The following ATAD1 variants were observed in gnomAD, a reference collection of about 807,000 sequenced individuals.
The protein encoded by ATAD1 is ATPase family AAA domain containing 1, also known as outer mitochondrial transmembrane helix translocase.
Under a neutral mutation model 42.7 loss-of-function variants are expected in ATAD1, and 18 were observed. The ratio of observed to expected loss-of-function variants is 0.42; its 90% confidence interval spans 0.29 to 0.63. The LOEUF is 0.63. Among genes scored for constraint, ATAD1 ranks in the 20% least tolerant of loss-of-function variants. ATAD1 has a pLI of 0.19. For missense variants in ATAD1, 294 were observed against 440.4 expected, an observed-to-expected ratio of 0.67 and a Z score of 2.98; for synonymous variants, 132 against 143.1, an observed-to-expected ratio of 0.92 and a Z score of 0.55.
intron 6 of ATAD1, 29 bp downstream of exon 6, chr10:87,776,292 C>G (rs751850740): frequency 1.3e-6 from 2 of 1,552,482 alleles, no homozygotes; most frequent in Admixed American, 3.6e-5. Context: ...AAAACCAACA[C>G]AAGTTGAGGG....
chr10:87,791,738 G>T (rs1022182426), intron 3 of ATAD1, among the ~76,000 whole-genome samples: 12 of 152,086 alleles, frequency 7.9e-5, no homozygotes, highest in African/African-American at 2.7e-4. Context: ...TCTATTTATA[G>T]AATTTATAAA....
rs3033524 is a variant in ATAD1 at position 87,833,727 on chromosome 10, C to CTTTT, written c.-14+7456_-14+7459dup. ...CTTTCTCTCTCTCTTTCTTTCTTTC[C>CTTTT]TTTTTTTTTTTTTTTTTTTTGATAG... On this transcript the variant is annotated intron_variant, in intron 1 of 4. Coordinates refer to the ATAD1 transcript ENST00000495903. 6.6e-4 allele frequency among the ~76,000 whole-genome samples: 67 copies of CTTTT among 100,756 alleles called. 2 individuals carry two copies. Among genetic ancestry groups the CTTTT allele is most frequent in the African/African-American group, 1.2e-3 (31 of 25,976 alleles). The allele number at this position is 100,756 out of a possible 152,430, so 66.1% of individuals were successfully genotyped here. A position where few individuals can be genotyped will look rare whatever the true frequency, so the allele number is the denominator to read the frequency against.
chr10:87,818,293 G>A (rs1001903106), upstream of ATAD1: 2 of 981,942 alleles, frequency 2.0e-6, no homozygotes, highest in Non-Finnish European at 2.4e-6. Flanking sequence ...TGCGCGACCC[G>A]CGGTCGCCGG....
At chr10:87,816,532 T>A (rs1412691476) in intron 1 of ATAD1, among the ~76,000 whole-genome samples, 1 of 152,100 alleles carries the variant, frequency 6.6e-6, no homozygotes, top group Non-Finnish European at 1.5e-5. Context: ...ATATCACCAC[T>A]TCATTCAAAG....
chr10:87,828,036 T>C (rs116197343), intron 1 of ATAD1, among the ~76,000 whole-genome samples: 2,152 of 152,168 alleles, frequency 0.014, 63 homozygotes, highest in African/African-American at 0.048. Flanking sequence ...TAGCTCACTG[T>C]GGCCTCAAAT....
chr10:87,772,601 C>T (rs1855101508), intron 6 of ATAD1, among the ~76,000 whole-genome samples: 1 of 151,774 alleles, frequency 6.6e-6, no homozygotes, highest in Non-Finnish European at 1.5e-5. Flanking sequence ...AGGGAAATGG[C>T]CAGCATTTGA....
At chr10:87,811,658 A>T (rs1267361794) in intron 2 of ATAD1, among the ~76,000 whole-genome samples, 1 of 152,212 alleles carries the variant, frequency 6.6e-6, no homozygotes. Context: ...GAGATGGGGA[A>T]TAATTTGGGA....
In ATAD1 at chr10:87,784,451, T is replaced by C; in HGVS notation, c.583+19A>G. The C allele has an allele frequency of 6.2e-7, 1 of 1,608,496 alleles. No individual in the cohort carries two copies. On this transcript the variant is annotated intron_variant, in intron 5 of 9. Coordinates refer to ENST00000680024, the MANE Select transcript of ATAD1 (RefSeq NM_001321967.2). ...TAAAAATGGCCTTTAAAAATACTCA[T>C]ATAGAAAACATAGCATACCTATTTC...
intron 2 of ATAD1, among the ~76,000 whole-genome samples, chr10:87,795,701 G>T (rs1856354312): frequency 6.6e-6 from 1 of 151,930 alleles, no homozygotes. Context: ...AAAAGATTAA[G>T]AAGTGGAATA....
At chr10:87,822,418 A>G (rs1191609046), upstream of ATAD1, among the ~76,000 whole-genome samples, 1 of 152,178 alleles carries the variant, frequency 6.6e-6, no homozygotes, top group Non-Finnish European at 1.5e-5. Context: ...ATAGAAAGAT[A>G]ATATAGAACA....
At chr10:87,818,068 C>A (rs1396592228) in intron 1 of ATAD1, 99 bp downstream of exon 1, 1 of 985,636 alleles carries the variant, frequency 1.0e-6, no homozygotes, top group Non-Finnish European at 1.2e-6. Context: ...ACCGGGGTGA[C>A]CTTTCCTCCG....
chr10:87,782,681 C>G (rs970272096), intron 5 of ATAD1, among the ~76,000 whole-genome samples: 1 of 152,116 alleles, frequency 6.6e-6, no homozygotes, highest in African/African-American at 2.4e-5. Flanking sequence ...AAAAAGTCTA[C>G]TAGACTGGTA....
chr10:87,810,032 G>A (rs1857110221), intron 2 of ATAD1, among the ~76,000 whole-genome samples: 1 of 151,996 alleles, frequency 6.6e-6, no homozygotes, highest in South Asian at 2.1e-4. Context: ...GGTTTGAAAA[G>A]TCTTGATTTT....
intron 5 of ATAD1, among the ~76,000 whole-genome samples, chr10:87,777,932 A>T (rs969347684): frequency 2.0e-5 from 3 of 152,164 alleles, no homozygotes; most frequent in African/African-American, 7.2e-5. Flanking sequence ...TTGGACTATA[A>T]TTCAAACTAA....
At chr10:87,809,670 T>C (rs1034389816) in intron 2 of ATAD1, among the ~76,000 whole-genome samples, 1 of 145,350 alleles carries the variant, frequency 6.9e-6, no homozygotes, top group African/African-American at 2.6e-5. Flanking sequence ...TATTTATTTA[T>C]TTTGAGATGG....
At chr10:87,806,647 G>A (rs1268802982) in intron 2 of ATAD1, among the ~76,000 whole-genome samples, 3 of 152,122 alleles carry the variant, frequency 2.0e-5, no homozygotes, top group Non-Finnish European at 4.4e-5. Context: ...TTGAGCATCT[G>A]TATTTCATTC....
chr10:87,818,840 T>A (rs1857555308), upstream of ATAD1: 1 of 152,222 alleles, frequency 6.6e-6, no homozygotes, highest in Non-Finnish European at 1.5e-5. Context: ...GAATAGGGCA[T>A]CTGGTAACAG....
At chr10:87,755,804 G>C (rs1170329559) in intron 9 of ATAD1, among the ~76,000 whole-genome samples, 2 of 152,108 alleles carry the variant, frequency 1.3e-5, no homozygotes, top group Admixed American at 1.3e-4. Context: ...AGCTGAGACT[G>C]AGACAGGAGA....
intron 8 of ATAD1, among the ~76,000 whole-genome samples, chr10:87,758,725 T>C (rs545512301): frequency 5.9e-5 from 9 of 152,198 alleles, no homozygotes; most frequent in East Asian, 3.9e-4. Context: ...AAATGCATAA[T>C]TGAGAAGTCA....
Sources: gnomAD v4.1 joint callset for allele counts (sites outside exome capture counted in the v4.1 genomes callset) on GRCh38, gnomAD v4.1.1 for gene constraint, MANE v1.5 for transcripts, NCBI Gene and HGNC (gene_info 2026-07-23, HGNC 2026-07-21) for gene names.